Variants in ATAD2B observed in about 807,000 individuals in gnomAD.
ATAD2B encodes the protein ATPase family AAA domain containing 2B, also known as ATPase family AAA domain-containing protein 2B.
A neutral mutation model predicts 167.6 loss-of-function variants in ATAD2B; 40 were observed. The observed-to-expected ratio is 0.24, with a 90% confidence interval of 0.19 to 0.31. The LOEUF (loss-of-function observed/expected upper bound fraction) is 0.31. Among genes scored for constraint, ATAD2B ranks in the 10% least tolerant of loss-of-function variants. ATAD2B has a pLI of 1.00. For missense variants in ATAD2B, 1,242 were observed against 1,757.2 expected (o/e 0.71, Z 5.24); for synonymous variants, 579 against 596.5 (o/e 0.97, Z 0.43).
At chr2:23,704,628 G>A in the ATAD2B span, among the ~76,000 whole-genome samples, 7 of 152,308 alleles carry the variant, frequency 4.6e-5, no homozygotes, top group African/African-American at 1.4e-4. Context: ...TTTGCCAGGC[G>A]TGGTGGCATG....
intron 18 of ATAD2B, among the ~76,000 whole-genome samples, chr2:23,803,139 A>C (rs1468556012): frequency 6.6e-6 from 1 of 152,184 alleles, no homozygotes; most frequent in Non-Finnish European, 1.5e-5. Flanking sequence ...TTTGTTTTTT[A>C]AGAGTGTTAA....
chr2:23,863,513 C>G lies in ATAD2B; in HGVS notation c.1347G>C (p.Leu449Phe). 1 of 1,572,680 alleles carries G rather than the reference C, an allele frequency of 6.4e-7. No homozygotes were observed. Among genetic ancestry groups the G allele is most frequent in the East Asian group, 2.3e-5 (1 of 42,956 alleles). Residue 449 changes from leucine (L) to phenylalanine (F), a missense_variant, in exon 12 of 28, where the codon TTG becomes TTC. Leu to Phe is a conservative substitution (Grantham distance 22). Coordinates refer to ENST00000238789, the MANE Select transcript of ATAD2B (RefSeq NM_017552.4). The part of the protein sequence containing the change: ...FYGPPGTGKT[L>F]VARALANECS... ...ATTCATTAGCTAATGCTCTGGCAAC[C>G]AAGGTTTTACCTGTGCCAGGAGGGC...
At chr2:23,771,592 T>C (rs957061279) in intron 22 of ATAD2B, among the ~76,000 whole-genome samples, 4 of 152,230 alleles carry the variant, frequency 2.6e-5, no homozygotes, top group Non-Finnish European at 5.9e-5. Context: ...TATGTGATTA[T>C]TGATATGGTT....
At chr2:23,686,511 G>A in the ATAD2B span, among the ~76,000 whole-genome samples, 15 of 152,120 alleles carry the variant, frequency 9.9e-5, no homozygotes, top group African/African-American at 3.6e-4. Flanking sequence ...TGACACCTCC[G>A]GGGGATGGGC....
At chr2:23,898,806 T>C (rs1700436218) in intron 1 of ATAD2B, among the ~76,000 whole-genome samples, 1 of 152,154 alleles carries the variant, frequency 6.6e-6, no homozygotes, top group Admixed American at 6.6e-5. Context: ...AGTGCCAGAC[T>C]AGCCTGGGCA....
Position 23,927,088 on chromosome 2 carries a change from C to A in ATAD2B, c.-318G>T. 1 of 287,710 alleles carries A rather than the reference C, an allele frequency of 3.5e-6. No homozygotes were observed. Among genetic ancestry groups the A allele is most frequent in the Non-Finnish European group, 6.5e-6 (1 of 154,234 alleles). The allele number at this position is 287,710 out of a possible 1,614,324, so 17.8% of individuals were successfully genotyped here. ...CTCTCCCGTTCTCGCTCTCGAGCTCCGTGCGTCAAGGCTCCAGCGCCGCAG... is the reference window on the plus strand; with the variant it reads ...CTCTCCCGTTCTCGCTCTCGAGCTCAGTGCGTCAAGGCTCCAGCGCCGCAG... On this transcript the variant is annotated 5_prime_UTR_variant, in exon 1 of 28. Coordinates refer to ENST00000238789, the MANE Select transcript of ATAD2B (RefSeq NM_017552.4).
At chr2:23,885,614 G>T in intron 5 of ATAD2B, 113 bp downstream of exon 5, 1 of 569,140 alleles carries the variant, frequency 1.8e-6, no homozygotes, top group Non-Finnish European at 3.0e-6. Flanking sequence ...TGGAAATGAA[G>T]ACGAAGGAAC....
chr2:23,782,764 G>A, intron 22 of ATAD2B, 105 bp downstream of exon 22: 3 of 921,114 alleles, frequency 3.3e-6, no homozygotes, highest in Admixed American at 5.8e-5. Flanking sequence ...AAAAACAACA[G>A]GTCATGAAAA....
At position 23,808,133 on chromosome 2, in the gene ATAD2B, A is replaced by ATTATTATATAT. The variant is rs1684917755; in HGVS notation, c.2454+2182_2454+2183insATATATAATAA. On this transcript the variant is annotated intron_variant, in intron 18 of 27. Transcript: ENST00000238789. ...ATTATATATATAATTATTATATATA[A>ATTATTATATAT]GTGATTACTTATATTATATGTTATT... Among the ~76,000 whole-genome samples the ATTATTATATAT allele has an allele frequency of 6.1e-5, 7 of 115,404 alleles. No homozygotes were observed. The South Asian group carries it at 1.4e-3, about 24-fold the overall frequency. 75.7% of individuals were successfully genotyped at this position (115,404 alleles called of 152,430 possible).
chr2:23,907,814 G>C (rs1406261363), intron 1 of ATAD2B, among the ~76,000 whole-genome samples: 1 of 152,126 alleles, frequency 6.6e-6, no homozygotes, highest in Non-Finnish European at 1.5e-5. Flanking sequence ...GAACACAACA[G>C]AGCCCTCAGA....
chr2:23,717,685 T>C, the ATAD2B span, among the ~76,000 whole-genome samples: 1 of 152,000 alleles, frequency 6.6e-6, no homozygotes, highest in African/African-American at 2.4e-5. Flanking sequence ...ACTATATAGA[T>C]ATAAGAAAAG....
At chr2:23,761,313 A>G (rs1284074548) in intron 24 of ATAD2B, among the ~76,000 whole-genome samples, 2 of 152,246 alleles carry the variant, frequency 1.3e-5, no homozygotes, top group Non-Finnish European at 2.9e-5. Context: ...GTGAAACAAC[A>G]TATTATAGCT....
At chr2:23,905,875 TA>T (rs1171487646) in intron 1 of ATAD2B, among the ~76,000 whole-genome samples, 1 of 152,200 alleles carries the variant, frequency 6.6e-6, no homozygotes, top group African/African-American at 2.4e-5. Flanking sequence ...TCATGGAAGT[TA>T]AAATTTAACT....
At chr2:23,877,734 C>T (rs1397560282) in intron 7 of ATAD2B, among the ~76,000 whole-genome samples, 2 of 150,132 alleles carry the variant, frequency 1.3e-5, no homozygotes, top group Non-Finnish European at 3.0e-5. Flanking sequence ...TAGCCAGGCA[C>T]GGTTAATCCC....
chr2:23,898,067 C>T (rs1700356086), intron 1 of ATAD2B, among the ~76,000 whole-genome samples: 1 of 152,200 alleles, frequency 6.6e-6, no homozygotes, highest in Non-Finnish European at 1.5e-5. Context: ...GCTTCAGCCT[C>T]CCAAGTAGCT....
At chr2:23,918,082 A>G (rs1314410845) in intron 1 of ATAD2B, among the ~76,000 whole-genome samples, 7 of 151,800 alleles carry the variant, frequency 4.6e-5, no homozygotes, top group African/African-American at 1.5e-4. Context: ...AGAGAAAAAT[A>G]TAAGCCAGGA....
At chr2:23,695,628 G>A in the ATAD2B span, 441 of 1,550,110 alleles carry the variant, frequency 2.8e-4, no homozygotes, top group African/African-American at 4.0e-3. This position sits in a 1 kb window ranked among gnomAD's most constrained non-coding sequence, Gnocchi z 7.6. Flanking sequence ...TGCAGTACGC[G>A]GCTGAGCTCC....
chr2:23,782,333 T>C, intron 22 of ATAD2B, among the ~76,000 whole-genome samples: 1 of 152,218 alleles, frequency 6.6e-6, no homozygotes, highest in East Asian at 1.9e-4. Context: ...CCTCATTTTG[T>C]TTTACTGCAG....
At chr2:23,731,628 C>G in the ATAD2B span, among the ~76,000 whole-genome samples, 3 of 152,108 alleles carry the variant, frequency 2.0e-5, no homozygotes, top group Admixed American at 6.6e-5. Flanking sequence ...GTAAAAATAA[C>G]AAGGTGGAAA....
Sources: gnomAD v4.1 joint callset for allele counts (sites outside exome capture counted in the v4.1 genomes callset) on GRCh38, gnomAD v4.1.1 for gene constraint, Gnocchi (gnomAD v3.1) non-coding constraint, MANE v1.5 for transcripts, NCBI Gene and HGNC (gene_info 2026-07-23, HGNC 2026-07-21) for gene names.